The following KCTD8 variants were observed in gnomAD, a reference collection of about 807,000 sequenced individuals.
KCTD8 encodes potassium channel tetramerization domain containing 8, also known as BTB/POZ domain-containing protein KCTD8.
Under a neutral mutation model 31.5 loss-of-function variants are expected in KCTD8, and 27 were observed. That is an observed-to-expected ratio of 0.86 (90% CI 0.63 to 1.18). The LOEUF (loss-of-function observed/expected upper bound fraction) is 1.18. Among genes scored for constraint, KCTD8 ranks in the 50% most tolerant of loss-of-function variants. KCTD8 has a pLI of 0.00. For synonymous variants in KCTD8, 290 were observed against 280.0 expected (o/e 1.04, Z -0.36); for missense variants, 658 against 647.7 (o/e 1.02, Z -0.17).
chr4:44,243,983 G>A (rs79174103), intron 1 of KCTD8, among the ~76,000 whole-genome samples: 4,600 of 152,220 alleles, frequency 0.03, 240 homozygotes, highest in African/African-American at 0.11. Context: ...GACTTCGGAA[G>A]ATGGCTTCAC....
chr4:44,391,541 T>C (rs1022949210), intron 1 of KCTD8, among the ~76,000 whole-genome samples: 1 of 151,794 alleles, frequency 6.6e-6, no homozygotes, highest in African/African-American at 2.4e-5. Context: ...ATGATTTTCT[T>C]AGAAACATTT....
intron 1 of KCTD8, among the ~76,000 whole-genome samples, chr4:44,235,577 TTAGAGAG>T (rs1715265894): frequency 2.3e-4 from 9 of 38,938 alleles, no homozygotes; most frequent in African/African-American, 4.1e-4. Context: ...ATATATATAT[TTAGAGAG>T]AGAGAGAGAG....
At chr4:44,186,396 C>T (rs554532198) in intron 1 of KCTD8, among the ~76,000 whole-genome samples, 10 of 152,360 alleles carry the variant, frequency 6.6e-5, no homozygotes, top group Admixed American at 5.2e-4. Flanking sequence ...AACTTGCACT[C>T]ATGCTCCAAG....
At chr4:44,369,330 G>T (rs1243642206) in intron 1 of KCTD8, among the ~76,000 whole-genome samples, 2 of 152,108 alleles carry the variant, frequency 1.3e-5, no homozygotes, top group African/African-American at 4.8e-5. Flanking sequence ...AGAGTTAATT[G>T]CCACTTCAAT....
intron 1 of KCTD8, among the ~76,000 whole-genome samples, chr4:44,295,290 G>A (rs1017236911): frequency 1.5e-4 from 23 of 152,092 alleles, no homozygotes; most frequent in Middle Eastern, 3.4e-3. Flanking sequence ...AATGAACCCC[G>A]TCTCAAAAAA....
intron 1 of KCTD8, among the ~76,000 whole-genome samples, chr4:44,199,837 A>T (rs975607453): frequency 6.6e-6 from 1 of 151,954 alleles, no homozygotes. Flanking sequence ...GATGCAAAAG[A>T]CCATACAAAA....
intron 1 of KCTD8, among the ~76,000 whole-genome samples, chr4:44,385,482 G>T (rs940048633): frequency 6.6e-6 from 1 of 151,604 alleles, no homozygotes; most frequent in Non-Finnish European, 1.5e-5. Flanking sequence ...ATAATGCTTG[G>T]AAAACTGTAT....
Position 44,175,044 on chromosome 4 carries a change from C to T in KCTD8, c.1168G>A (p.Asp390Asn). 1.9e-6 allele frequency: 3 copies of T among 1,613,876 alleles called. No individual in the cohort carries two copies. Among genetic ancestry groups the T allele is most frequent in the Non-Finnish European group, 2.5e-6 (3 of 1,179,952 alleles). Residue 390 changes from aspartate (D) to asparagine (N), a missense_variant, in exon 2 of 2, where the codon GAT becomes AAT. Physicochemically the swap from Asp to Asn is conservative, Grantham distance 23. Transcript: ENST00000360029. ...ACAGGTGCTTTTTTAGAGGGGCGAT[C>T]CAATGTTAAAGTGTTAGGTTGGTGA... ...TAHQPNTLTL[D>N]RPSKKAPVQW...
intron 1 of KCTD8, among the ~76,000 whole-genome samples, chr4:44,182,672 C>T (rs938694827): frequency 6.6e-6 from 1 of 152,116 alleles, no homozygotes; most frequent in African/African-American, 2.4e-5. Flanking sequence ...GGGTCCTCTG[C>T]CTAGGAAAAC....
chr4:44,220,702 C>T (rs1714782295), intron 1 of KCTD8, among the ~76,000 whole-genome samples: 2 of 151,842 alleles, frequency 1.3e-5, no homozygotes, highest in South Asian at 4.2e-4. Context: ...GAGGTGGGGG[C>T]AAAAGTGGAA....
intron 1 of KCTD8, among the ~76,000 whole-genome samples, chr4:44,366,652 C>T (rs1028640910): frequency 7.5e-5 from 11 of 146,724 alleles, no homozygotes; most frequent in African/African-American, 2.5e-4. Flanking sequence ...GATTAGCCTA[C>T]TTCATCAAAT....
Position 44,311,978 on chromosome 4 carries a change from G to T in KCTD8, c.961+135585C>A, listed in dbSNP as rs149782313. 6.8e-3 allele frequency among the ~76,000 whole-genome samples: 1,025 copies of T among 151,666 alleles called. 9 individuals carry two copies. The highest frequency in any genetic ancestry group is 0.027 in the Middle Eastern group (8 of 294). Reference sequence around the variant, plus strand: ...TTTGTAGACACCCATCAGAAATAAAGAATCATAATTATTTTATAGTGCCAC... The same window carrying T: ...TTTGTAGACACCCATCAGAAATAAATAATCATAATTATTTTATAGTGCCAC... On this transcript the variant is annotated intron_variant, in intron 1 of 1. Transcript: ENST00000360029.
intron 1 of KCTD8, among the ~76,000 whole-genome samples, chr4:44,271,675 G>A (rs903641280): frequency 2.0e-5 from 3 of 152,170 alleles, no homozygotes. Context: ...ACAATAGCAT[G>A]AGCGATCTGT....
At chr4:44,283,030 T>TATC (rs1716944168) in intron 1 of KCTD8, among the ~76,000 whole-genome samples, 3 of 49,716 alleles carry the variant, frequency 6.0e-5, no homozygotes, top group Non-Finnish European at 1.7e-4. Flanking sequence ...CACATTTTAT[T>TATC]ATTATTATTA....
intron 1 of KCTD8, among the ~76,000 whole-genome samples, chr4:44,206,845 G>A (rs1577830546): frequency 6.6e-6 from 1 of 152,104 alleles, no homozygotes; most frequent in African/African-American, 2.4e-5. Flanking sequence ...GTGAAGGATT[G>A]TTTTAAGGAT....
chr4:44,400,708 G>A (rs1214256707), intron 1 of KCTD8, among the ~76,000 whole-genome samples: 1 of 127,522 alleles, frequency 7.8e-6, no homozygotes, highest in Non-Finnish European at 1.6e-5. Context: ...CAGCCTGGGG[G>A]ACAGAATGAG....
rs74341353 is a variant in KCTD8 at position 44,274,564 on chromosome 4, T to C, written c.962-99314A>G. ...TCATTCTTCTGATTTTCACACTATT[T>C]CTACTATATTGAATTATCAAATTGT... On this transcript the variant is annotated intron_variant, in intron 1 of 1. Transcript: ENST00000360029. Among the ~76,000 whole-genome samples, 1,356 of 151,986 alleles carry C rather than the reference T, an allele frequency of 8.9e-3. 25 individuals carry two copies. Among genetic ancestry groups the C allele is most frequent in the African/African-American group, 0.031 (1,290 of 41,528 alleles).
intron 1 of KCTD8, among the ~76,000 whole-genome samples, chr4:44,434,010 T>C (rs1721577851): frequency 6.6e-6 from 1 of 151,886 alleles, no homozygotes; most frequent in Admixed American, 6.6e-5. Context: ...CTTTTCCTGA[T>C]ATTGAATGTG....
intron 1 of KCTD8, among the ~76,000 whole-genome samples, chr4:44,354,992 G>T (rs1222018863): frequency 6.6e-6 from 1 of 152,046 alleles, no homozygotes; most frequent in Non-Finnish European, 1.5e-5. Context: ...TTGGGAAGTA[G>T]GAAGTAAATA....
Sources: gnomAD v4.1 joint callset for allele counts (sites outside exome capture counted in the v4.1 genomes callset) on GRCh38, gnomAD v4.1.1 for gene constraint, MANE v1.5 for transcripts, NCBI Gene and HGNC (gene_info 2026-07-23, HGNC 2026-07-21) for gene names.